Variants in FGD4 observed in about 807,000 individuals in gnomAD.
FGD4 encodes FYVE, RhoGEF and PH domain containing 4, also known as FYVE, RhoGEF and PH domain-containing protein 4.
FGD4 carries 42 observed loss-of-function variants against 102.0 expected under a neutral mutation model. That is an observed-to-expected ratio of 0.41 (90% CI 0.32 to 0.53). FGD4 has a LOEUF of 0.53. FGD4 is among the 20% of genes least tolerant of loss of function. The probability of loss-of-function intolerance (pLI) is 0.21; values close to 1 mark genes in which losing one functional copy is unlikely to be tolerated. For missense variants in FGD4, 902 were observed against 1,078.2 expected (o/e 0.84, Z 2.29); for synonymous variants, 380 against 375.7 (o/e 1.01, Z -0.13).
chr12:32,499,424 C>G (rs997477260), intron 1 of FGD4, among the ~76,000 whole-genome samples: 23 of 152,146 alleles, frequency 1.5e-4, no homozygotes, highest in Admixed American at 3.3e-4. Flanking sequence ...TCCTTACTCA[C>G]CTTTCATAGA....
At chr12:32,525,767 G>GCAGC (rs947106405) in intron 1 of FGD4, among the ~76,000 whole-genome samples, 37 of 152,170 alleles carry the variant, frequency 2.4e-4, no homozygotes, top group African/African-American at 8.9e-4. Flanking sequence ...CGCACTCGGA[G>GCAGC]CAGCCAGCCA....
rs367594383 is a variant in FGD4, at chr12:32,548,424, A to G, written c.167-15713A>G. ...CTGAGATCTTATGATACTTGTCTCA[A>G]TGAAATAAAACTGCATGCATTATTC... On this transcript the variant is annotated intron_variant, in intron 1 of 16. Coordinates refer to ENST00000534526, the MANE Select transcript of FGD4 (RefSeq NM_001370298.3). Among the ~76,000 whole-genome samples the G allele has an allele frequency of 2.0e-5, 3 of 147,792 alleles. No homozygotes were observed. The East Asian group carries it at 5.8e-4, about 28-fold the overall frequency.
intron 1 of FGD4, among the ~76,000 whole-genome samples, chr12:32,412,462 C>T (rs917070845): frequency 1.2e-4 from 19 of 152,098 alleles, no homozygotes; most frequent in African/African-American, 4.6e-4. Flanking sequence ...AAATTCCTTG[C>T]GCTCCTTCAA....
chr12:32,485,436 A>ACTTTT (rs1555187207), intron 1 of FGD4, among the ~76,000 whole-genome samples: 2 of 114,216 alleles, frequency 1.8e-5, no homozygotes, highest in Admixed American at 1.1e-4. Flanking sequence ...TTTAAGACCA[A>ACTTTT]TTTTTTTTTT....
chr12:32,422,218 CTT>C (rs1475731333), intron 1 of FGD4, among the ~76,000 whole-genome samples: 1 of 146,444 alleles, frequency 6.8e-6, no homozygotes, highest in Non-Finnish European at 1.5e-5. Context: ...TTTTCCATCT[CTT>C]AATCTATTTC....
intron 1 of FGD4, chr12:32,534,527 A>AT: frequency 8.5e-6 from 12 of 1,408,596 alleles, no homozygotes; most frequent in African/African-American, 2.9e-5. Context: ...TAGTAGATAT[A>AT]TTTTTTTCTT....
At chr12:32,529,327 A>G (rs1941566950) in intron 1 of FGD4, among the ~76,000 whole-genome samples, 1 of 151,854 alleles carries the variant, frequency 6.6e-6, no homozygotes, top group African/African-American at 2.4e-5. Context: ...GGGTTTCACC[A>G]TGTTGGCCAC....
In FGD4 at chr12:32,632,805, G is replaced by A. The variant is rs79635368; in HGVS notation, c.2173-744G>A. On this transcript the variant is annotated intron_variant, in intron 14 of 16. Coordinates refer to ENST00000534526, the MANE Select transcript of FGD4 (RefSeq NM_001370298.3). ...GCTGGTCTGGAACTCCTGGACTCAA[G>A]CATCTGCCCTTCTCGGCCTCCCAAA... is the stretch of plus-strand genomic sequence containing the variant. Among the ~76,000 whole-genome samples, 344 of 151,084 alleles carry A rather than the reference G, an allele frequency of 2.3e-3. 4 individuals are homozygous for A. The highest frequency in any genetic ancestry group is 0.017 in the Admixed American group (260 of 15,130).
intron 14 of FGD4, among the ~76,000 whole-genome samples, chr12:32,633,075 C>G (rs575351834): frequency 6.6e-6 from 1 of 152,094 alleles, no homozygotes; most frequent in African/African-American, 2.4e-5. Flanking sequence ...GAAGTAAAAT[C>G]AGCGGGACTT....
At chr12:32,457,970 CAT>C (rs951703953) in intron 1 of FGD4, among the ~76,000 whole-genome samples, 13 of 151,292 alleles carry the variant, frequency 8.6e-5, no homozygotes, top group East Asian at 5.8e-4. Context: ...AATTAGGTAA[CAT>C]AATTTCCTCA....
chr12:32,400,215 C>A (rs2728676), intron 1 of FGD4, among the ~76,000 whole-genome samples: 95,549 of 152,146 alleles, frequency 0.63, 30,609 homozygotes, highest in African/African-American at 0.75. Flanking sequence ...TCAGAAAGTA[C>A]AGGTAGAATT....
chr12:32,528,875 G>A (rs2136813804), intron 1 of FGD4, among the ~76,000 whole-genome samples: 1 of 152,214 alleles, frequency 6.6e-6, no homozygotes, highest in African/African-American at 2.4e-5. Flanking sequence ...TGGATTTGGA[G>A]GCCAGCTGTA....
intron 1 of FGD4, among the ~76,000 whole-genome samples, chr12:32,497,814 A>T (rs540666134): frequency 6.6e-6 from 1 of 152,306 alleles, no homozygotes; most frequent in South Asian, 2.1e-4. Context: ...GTCATGCCAC[A>T]CGTAAGGGTA....
chr12:32,552,227 T>C (rs1943723667), intron 1 of FGD4, among the ~76,000 whole-genome samples: 1 of 152,170 alleles, frequency 6.6e-6, no homozygotes, highest in Non-Finnish European at 1.5e-5. Context: ...TTGTGTACTG[T>C]AAATAGCTAG....
intron 1 of FGD4, among the ~76,000 whole-genome samples, chr12:32,558,214 T>A (rs1249626415): frequency 2.0e-5 from 3 of 152,220 alleles, no homozygotes; most frequent in Non-Finnish European, 2.9e-5. Flanking sequence ...TTCTCACAGG[T>A]TGTAGTACAC....
intron 1 of FGD4, among the ~76,000 whole-genome samples, chr12:32,440,041 A>G (rs1314990609): frequency 7.8e-6 from 1 of 127,474 alleles, no homozygotes; most frequent in Non-Finnish European, 1.7e-5. Context: ...AGAATTATCA[A>G]TTCCTTCTCT....
intron 2 of FGD4, among the ~76,000 whole-genome samples, chr12:32,565,169 A>T (rs1247642890): frequency 6.6e-6 from 1 of 152,238 alleles, no homozygotes; most frequent in East Asian, 1.9e-4. Context: ...AGCATGCATT[A>T]TAAAATAAGT....
chr12:32,615,738 G>A (rs1161590207), intron 10 of FGD4, among the ~76,000 whole-genome samples: 1 of 152,070 alleles, frequency 6.6e-6, no homozygotes, highest in Non-Finnish European at 1.5e-5. Context: ...ACGTGGGCAA[G>A]AGCCTTTATT....
chr12:32,523,129 G>A (rs1258689602), intron 1 of FGD4, among the ~76,000 whole-genome samples: 1 of 152,108 alleles, frequency 6.6e-6, no homozygotes, highest in Non-Finnish European at 1.5e-5. Flanking sequence ...CCAGAGCAGA[G>A]AGTGAAAAAA....
Sources: allele counts gnomAD v4.1 joint callset (sites outside exome capture counted in the v4.1 genomes callset), GRCh38; gene constraint gnomAD v4.1.1; transcripts MANE v1.5; gene names NCBI Gene and HGNC (gene_info 2026-07-23, HGNC 2026-07-21).